TLL2: variants seen among roughly 807,000 people sequenced by gnomAD.
The protein encoded by TLL2 is tolloid-like protein 2.
In TLL2, 106 loss-of-function variants were observed where a neutral mutation model predicts 123.0. The ratio of observed to expected loss-of-function variants is 0.86; its 90% CI spans 0.74 to 1.01. The LOEUF is 1.01. Among genes scored for constraint, TLL2 ranks in the 50% least tolerant of loss-of-function variants. TLL2 has a pLI of 0.00. For synonymous variants in TLL2, 494 were observed against 516.8 expected, an observed-to-expected ratio of 0.96 and a Z score of 0.60; for missense variants, 1,332 against 1,336.7, an observed-to-expected ratio of 1.00 and a Z score of 0.06.
At chr10:96,490,865 A>G (rs1466009663) in intron 1 of TLL2, among the ~76,000 whole-genome samples, 1 of 152,218 alleles carries the variant, frequency 6.6e-6, no homozygotes, top group African/African-American at 2.4e-5. Flanking sequence ...CTGCTCAGTC[A>G]AAATCTGCAT....
rs535050805 is a variant in TLL2, at chr10:96,432,891, G to A, written c.436C>T (p.Arg146Trp). Reference sequence around the variant, plus strand: ...CTTGAGGTTGTGGCTCTTCGGACCCGGGGAGAGAAGGTCTTGGCTGCGGCA... The same window carrying A: ...CTTGAGGTTGTGGCTCTTCGGACCCAGGGAGAGAAGGTCTTGGCTGCGGCA... ...LHAAAKTFSPRVRRATTSRTE... is the reference protein window; with the variant it reads ...LHAAAKTFSPWVRRATTSRTE... The change falls in exon 4 of 21, where the codon CGG (arginine) becomes TGG (tryptophan). Residue 146 changes from arginine (R) to tryptophan (W), a missense_variant. Arg to Trp is a moderately radical substitution (Grantham distance 101). Coordinates refer to ENST00000357947, the MANE Select transcript of TLL2 (RefSeq NM_012465.4). 36 of 1,614,116 alleles carry A rather than the reference G, an allele frequency of 2.2e-5. No homozygotes were observed. Among genetic ancestry groups the A allele is most frequent in the South Asian group, 9.9e-5 (9 of 91,082 alleles).
intron 5 of TLL2, among the ~76,000 whole-genome samples, 198 bp from the exon 6 acceptor site, chr10:96,422,925 T>G (rs1331323999): frequency 6.6e-6 from 1 of 152,092 alleles, no homozygotes; most frequent in African/African-American, 2.4e-5. Context: ...GTCAGGAGTT[T>G]GAGACCTGCC....
chr10:96,444,476 AATGTGTATCAAATATGATTCT>A (rs1273311442), intron 3 of TLL2, among the ~76,000 whole-genome samples: 1 of 152,248 alleles, frequency 6.6e-6, no homozygotes, highest in African/African-American at 2.4e-5. Flanking sequence ...ATGCAGAAAA[AATGTGTATCAAATATGATTCT>A]ATGTTTTAAA....
rs748084318 is a variant in TLL2, at chr10:96,384,756, G to A, written c.2025C>T (p.Tyr675=). Residue 675 remains tyrosine (Y), a synonymous_variant, in exon 16 of 21, where the codon TAC becomes TAT. Transcript: ENST00000357947. ...GGCCGCTGCGCACCTCTACAAAGTC[G>A]TACTTACAGACCTGCAAGGGAGCAT... ...FELEGNDVCK[Y]DFVEVRSGLS... is the part of the protein sequence containing the mutation. 16 of 1,589,880 alleles carry A rather than the reference G, an allele frequency of 1.0e-5. No individual in the cohort carries two copies. Among genetic ancestry groups the A allele is most frequent in the East Asian group, 2.3e-5 (1 of 44,020 alleles).
chr10:96,490,055 C>T (rs1847396221), intron 1 of TLL2, among the ~76,000 whole-genome samples: 1 of 151,942 alleles, frequency 6.6e-6, no homozygotes, highest in Non-Finnish European at 1.5e-5. Context: ...GAGATTTGCA[C>T]CACTGCACTC....
At chr10:96,434,550 T>C (rs766856160) in intron 3 of TLL2, among the ~76,000 whole-genome samples, 1 of 152,250 alleles carries the variant, frequency 6.6e-6, no homozygotes, top group Non-Finnish European at 1.5e-5. Flanking sequence ...TAGTATTCCA[T>C]TGTATGCACA....
intron 5 of TLL2, among the ~76,000 whole-genome samples, chr10:96,428,314 C>T (rs1846699091): frequency 6.6e-6 from 1 of 152,202 alleles, no homozygotes; most frequent in African/African-American, 2.4e-5. Flanking sequence ...ACCGCTTCAT[C>T]AGATTCTAAA....
chr10:96,476,881 C>CACACAG lies in TLL2; in HGVS notation c.286+3467_286+3468insCTGTGT, dbSNP rs1554939747. On this transcript the variant is annotated intron_variant, in intron 2 of 20. Coordinates refer to ENST00000357947, the MANE Select transcript of TLL2 (RefSeq NM_012465.4). ...TTACACACACACACACACACACACA[C>CACACAG]ACACACACACACACACGCAAACATG... is the stretch of plus-strand genomic sequence containing the variant. 6.7e-5 allele frequency among the ~76,000 whole-genome samples: 10 copies of CACACAG among 150,124 alleles called. No individual in the cohort carries two copies. In the East Asian group the frequency reaches 7.8e-4, roughly 12 times the overall value.
In TLL2 at chr10:96,480,479, G is replaced by A; in HGVS notation, c.176-20C>T. ...AGACAGCTGGGAAGGAAACACATAA[G>A]TGGGTGAATTTATGCTAGAAGTCAA... On this transcript the variant is annotated intron_variant, in intron 1 of 20. Transcript: ENST00000357947. 6.3e-7 allele frequency: 1 copy of A among 1,585,128 alleles called. No homozygotes were observed. Among genetic ancestry groups the A allele is most frequent in the Non-Finnish European group, 8.7e-7 (1 of 1,153,454 alleles).
chr10:96,432,693 G>T, intron 4 of TLL2, 114 bp downstream of exon 4: 1 of 1,366,404 alleles, frequency 7.3e-7, no homozygotes, highest in Non-Finnish European at 1.0e-6. Context: ...CTGTAGGCCT[G>T]CTGTGGTCCC....
At chr10:96,415,277 C>A (rs1846542769) in intron 7 of TLL2, among the ~76,000 whole-genome samples, 1 of 152,200 alleles carries the variant, frequency 6.6e-6, no homozygotes, top group Non-Finnish European at 1.5e-5. Flanking sequence ...CTTGCACATG[C>A]TATCCGCTCC....
At position 96,386,072 on chromosome 10, in the gene TLL2, CAA is replaced by C; in HGVS notation, c.1994_1995del (p.Phe665Ter). ...AGACATACGTCATTGCCTTCCAGTTCAAACACTTCAAACTGAAGGGAGATCCG... is the reference window on the plus strand; with the variant it reads ...AGACATACGTCATTGCCTTCCAGTTCACACTTCAAACTGAAGGGAGATCCG... ...QYRISLQFEVFELEGNDVCKY... is the reference protein window; with the variant it reads ...QYRISLQFEVXELEGNDVCKY... On this transcript the variant is annotated frameshift_variant, in exon 15 of 21. Transcript: ENST00000357947. LOFTEE classifies it high-confidence loss of function. 6.2e-7 allele frequency: 1 copy of C among 1,604,658 alleles called. No homozygotes were observed.
chr10:96,482,354 T>C (rs1847319814), intron 1 of TLL2, among the ~76,000 whole-genome samples: 1 of 152,078 alleles, frequency 6.6e-6, no homozygotes, highest in African/African-American at 2.4e-5. Flanking sequence ...TGAAAACACA[T>C]GTTCATACAA....
intron 19 of TLL2, among the ~76,000 whole-genome samples, chr10:96,372,292 G>A (rs1007038743): frequency 2.6e-5 from 4 of 151,972 alleles, no homozygotes; most frequent in Non-Finnish European, 5.9e-5. Context: ...ATATTTTCCG[G>A]TACTGAAAAA....
chr10:96,500,533 C>T (rs1047006819), intron 1 of TLL2, among the ~76,000 whole-genome samples: 1 of 152,186 alleles, frequency 6.6e-6, no homozygotes, highest in African/African-American at 2.4e-5. Context: ...GAGGTTCATG[C>T]CTGTAATCCC....
Position 96,446,095 on chromosome 10 carries a change from T to C in TLL2, c.360A>G (p.Gly120=). Residue 120 remains glycine (G), a synonymous_variant, in exon 3 of 21, where the codon GGA becomes GGG. Coordinates refer to ENST00000357947, the MANE Select transcript of TLL2 (RefSeq NM_012465.4). ...TAMDTGTKEA[G]KDGRENTTLL... ...CCTGGTGAGGGCTCACATTACCCTT[T>C]CCAGCTTCCTTGGTGCCAGTGTCCA... 3 of 1,614,188 alleles carry C rather than the reference T, an allele frequency of 1.9e-6. No homozygotes were observed. Among genetic ancestry groups the C allele is most frequent in the Non-Finnish European group, 2.5e-6 (3 of 1,180,026 alleles).
At chr10:96,488,101 C>G (rs771249144) in intron 1 of TLL2, among the ~76,000 whole-genome samples, 2 of 152,172 alleles carry the variant, frequency 1.3e-5, no homozygotes, top group African/African-American at 4.8e-5. Context: ...GGGGTTGTTG[C>G]GAGCATCAGC....
At chr10:96,424,982 A>G (rs1377006725) in intron 5 of TLL2, among the ~76,000 whole-genome samples, 1 of 150,604 alleles carries the variant, frequency 6.6e-6, no homozygotes, top group Non-Finnish European at 1.5e-5. Context: ...AGTTATCGGT[A>G]TAAGAAGTGA....
At chr10:96,471,792 G>A (rs1393270221) in intron 2 of TLL2, among the ~76,000 whole-genome samples, 1 of 152,056 alleles carries the variant, frequency 6.6e-6, no homozygotes, top group Non-Finnish European at 1.5e-5. Flanking sequence ...GCCCATGGTC[G>A]CAGCTCCAAC....
Sources: allele counts gnomAD v4.1 joint callset (sites outside exome capture counted in the v4.1 genomes callset), GRCh38; gene constraint gnomAD v4.1.1; transcripts MANE v1.5; gene names NCBI Gene and HGNC (gene_info 2026-07-23, HGNC 2026-07-21).